The following BIN1 variants were observed in gnomAD, a reference collection of about 807,000 sequenced individuals.
The protein encoded by BIN1 is myc box-dependent-interacting protein 1.
Under a neutral mutation model 82.0 loss-of-function variants are expected in BIN1, and 53 were observed. That is an observed-to-expected ratio of 0.65 (90% CI 0.52 to 0.81). The LOEUF is 0.81. BIN1 is among the 40% of genes least tolerant of loss of function. BIN1 has a pLI of 0.00. For missense variants in BIN1, 642 were observed against 784.4 expected (o/e 0.82, Z 2.17); for synonymous variants, 302 against 328.0 (o/e 0.92, Z 0.86).
chr2:127,049,262 C>T (rs1338420579), intron 18 of BIN1, among the ~76,000 whole-genome samples: 3 of 152,220 alleles, frequency 2.0e-5, no homozygotes, highest in African/African-American at 7.2e-5. Flanking sequence ...ATCTGAGCCC[C>T]CTCCAGCAGC....
In BIN1 at chr2:127,083,378, G is replaced by C. The variant is rs1193504792; in HGVS notation, c.85-6672C>G. On this transcript the variant is annotated intron_variant, in intron 1 of 18. Transcript: ENST00000316724. ...TTGCAGGTACAAGCCACCGTGCCCA[G>C]TCACTTTTCTCTATATATAAACCGT... 2.6e-5 allele frequency among the ~76,000 whole-genome samples: 4 copies of C among 152,224 alleles called. No individual in the cohort carries two copies. The East Asian group carries it at 7.7e-4, about 29-fold the overall frequency.
chr2:127,086,037 C>A (rs1318273486), intron 1 of BIN1, among the ~76,000 whole-genome samples: 2 of 152,204 alleles, frequency 1.3e-5, no homozygotes, highest in Non-Finnish European at 2.9e-5. Flanking sequence ...AAAGCATGAC[C>A]ACCAGGGAAT....
chr2:127,091,912 A>T (rs1053370019), intron 1 of BIN1, among the ~76,000 whole-genome samples: 2 of 151,990 alleles, frequency 1.3e-5, no homozygotes, highest in African/African-American at 2.4e-5. Flanking sequence ...ACAACAAAAG[A>T]ATAGGGGCTG....
intron 10 of BIN1, among the ~76,000 whole-genome samples, chr2:127,060,965 G>C (rs559063101): frequency 6.6e-6 from 1 of 152,184 alleles, no homozygotes; most frequent in African/African-American, 2.4e-5. Flanking sequence ...AAGGCCCCCA[G>C]GCGAGCACAG....
At chr2:127,063,868 C>T (rs1684823417) in intron 8 of BIN1, 65 bp downstream of exon 8, 6 of 1,597,450 alleles carry the variant, frequency 3.8e-6, no homozygotes, top group Non-Finnish European at 5.1e-6. Flanking sequence ...AGCACGCAGA[C>T]TGGGCACCGC....
rs767953131 is a variant in BIN1, at chr2:127,059,556, C to A, written c.858-401G>T. On this transcript the variant is annotated intron_variant, in intron 10 of 18. Coordinates refer to ENST00000316724, the MANE Select transcript of BIN1 (RefSeq NM_139343.3). The surrounding 1 kb of genome is among the most constrained non-coding windows in gnomAD (Gnocchi z 6.7). Reference sequence around the variant, plus strand: ...AGGAGAAAGCCAGACATCCTAGAGGCACAGTGAGTCTCCCACACCACACGC... The same window carrying A: ...AGGAGAAAGCCAGACATCCTAGAGGAACAGTGAGTCTCCCACACCACACGC... Among the ~76,000 whole-genome samples the A allele has an allele frequency of 1.4e-5, 2 of 143,528 alleles. No individual in the cohort carries two copies. Among genetic ancestry groups the A allele is most frequent in the Non-Finnish European group, 2.9e-5 (2 of 67,808 alleles). The allele number at this position is 143,528 out of a possible 152,430, so 94.2% of individuals were successfully genotyped here. A position where few individuals can be genotyped will look rare whatever the true frequency, so the allele number is the denominator to read the frequency against.
intron 1 of BIN1, among the ~76,000 whole-genome samples, chr2:127,106,334 T>C (rs1036714727): frequency 6.6e-6 from 1 of 151,144 alleles, no homozygotes; most frequent in Non-Finnish European, 1.5e-5. Context: ...AGAACGAAAG[T>C]GGAGAAGCAG....
At chr2:127,101,055 G>A (rs1451041345) in intron 1 of BIN1, among the ~76,000 whole-genome samples, 1 of 143,096 alleles carries the variant, frequency 7.0e-6, no homozygotes. Flanking sequence ...CGCACCCAGA[G>A]TTGCTGCCTG....
intron 7 of BIN1, among the ~76,000 whole-genome samples, chr2:127,065,883 C>G (rs1685104827): frequency 6.6e-6 from 1 of 152,158 alleles, no homozygotes; most frequent in African/African-American, 2.4e-5. Flanking sequence ...CTTTAGGAAG[C>G]ATGTGGAAGG....
chr2:127,107,023 C>G lies in BIN1; in HGVS notation c.-80G>C. 1.4e-6 allele frequency: 2 copies of G among 1,407,790 alleles called. No homozygotes were observed. The highest frequency in any genetic ancestry group is 1.9e-6 in the Non-Finnish European group (2 of 1,076,678). The allele number at this position is 1,407,790 out of a possible 1,614,324, so 87.2% of individuals were successfully genotyped here. On this transcript the variant is annotated 5_prime_UTR_variant, in exon 1 of 19. Transcript: ENST00000316724. The surrounding 1 kb of genome is among the most constrained non-coding windows in gnomAD (Gnocchi z 5.9). ...CGCGCCGCGCTCCCAGCCCCCAGCCCCGGCCGCGCGTCCAGACCGGCTGCC... is the reference window on the plus strand; with the variant it reads ...CGCGCCGCGCTCCCAGCCCCCAGCCGCGGCCGCGCGTCCAGACCGGCTGCC...
chr2:127,070,851 T>TG, intron 2 of BIN1, 35 bp from the exon 3 acceptor site: 1 of 1,600,634 alleles, frequency 6.2e-7, no homozygotes, highest in Non-Finnish European at 8.5e-7. Context: ...GGTCAGGGAC[T>TG]GGTGGCACAC....
rs1442266133 is a variant in BIN1 at position 127,068,963 on chromosome 2, A to C, written c.480T>G (p.Leu160=). 1 of 1,614,028 alleles carries C rather than the reference A, an allele frequency of 6.2e-7. No homozygotes were observed. Among genetic ancestry groups the C allele is most frequent in the African/African-American group, 1.3e-5 (1 of 74,930 alleles). The change falls in exon 6 of 19, where the codon CTT becomes CTG. Residue 160 remains leucine, a synonymous_variant. Transcript: ENST00000316724. The surrounding 1 kb of genome is among the most constrained non-coding windows in gnomAD (Gnocchi z 4.9). ...YDSARHHYES[L]QTAKKKDEAK... The stretch of plus-strand genomic sequence containing the variant: ...CTTCATCCTTCTTTTTGGCAGTTTG[A>C]AGGGACTCGTAGTGGTGCCGGGCAC...
intron 1 of BIN1, among the ~76,000 whole-genome samples, chr2:127,103,153 T>G (rs1680568072): frequency 1.3e-5 from 2 of 152,148 alleles, no homozygotes; most frequent in African/African-American, 4.8e-5. Context: ...CTTGGGCAGG[T>G]GGCTGGGCCT....
chr2:127,079,158 C>T (rs1286425795), intron 1 of BIN1, among the ~76,000 whole-genome samples: 2 of 152,232 alleles, frequency 1.3e-5, no homozygotes, highest in Non-Finnish European at 2.9e-5. Flanking sequence ...CTGCTGTGTG[C>T]TCTGCACAGA....
chr2:127,076,581 C>G (rs1439066279), intron 2 of BIN1, 45 bp downstream of exon 2: 6 of 1,611,130 alleles, frequency 3.7e-6, no homozygotes, highest in Non-Finnish European at 5.1e-6. Flanking sequence ...ACCTGGCAGC[C>G]GAATTTTCAC....
At chr2:127,061,878 G>A (rs1418669064) in intron 10 of BIN1, among the ~76,000 whole-genome samples, 4 of 152,152 alleles carry the variant, frequency 2.6e-5, no homozygotes, top group African/African-American at 4.8e-5. Flanking sequence ...TCAGGGACCC[G>A]CGGACTCCCC....
intron 15 of BIN1, 63 bp downstream of exon 15, chr2:127,052,192 C>T (rs937968650): frequency 3.9e-5 from 59 of 1,502,678 alleles, no homozygotes; most frequent in Middle Eastern, 3.6e-4. Flanking sequence ...CGGGGCTCTC[C>T]TTCCATGCTG....
chr2:127,062,321 C>T (rs1684612500), intron 9 of BIN1, 124 bp from the exon 10 acceptor site: 2 of 975,992 alleles, frequency 2.0e-6, no homozygotes, highest in South Asian at 1.4e-5. Flanking sequence ...CCTCTTTCCC[C>T]ATCTGTGAGA....
intron 7 of BIN1, 74 bp from the exon 8 acceptor site, chr2:127,064,092 C>T (rs1573611760): frequency 1.4e-5 from 21 of 1,549,742 alleles, no homozygotes; most frequent in Non-Finnish European, 1.8e-5. Flanking sequence ...GTCCTCCCAC[C>T]TCCTGCCCAC....
Sources: allele counts gnomAD v4.1 joint callset (sites outside exome capture counted in the v4.1 genomes callset), GRCh38; gene constraint gnomAD v4.1.1; non-coding constraint Gnocchi (gnomAD v3.1); transcripts MANE v1.5; gene names NCBI Gene and HGNC (gene_info 2026-07-23, HGNC 2026-07-21).